The following MGAT4C variants were observed in gnomAD, a reference collection of about 807,000 sequenced individuals.
MGAT4C encodes the protein MGAT4 family member C.
MGAT4C carries 19 observed loss-of-function variants against 40.1 expected under a neutral mutation model. The observed-to-expected ratio is 0.47, with a 90% confidence interval of 0.33 to 0.70. The LOEUF is 0.70. MGAT4C is among the 30% of genes least tolerant of loss of function. MGAT4C has a pLI of 0.02. For synonymous variants in MGAT4C, 181 were observed against 187.1 expected (o/e 0.97, Z 0.27); for missense variants, 491 against 563.2 (o/e 0.87, Z 1.30).
At chr12:86,705,506 CAGGTA>C (rs540934326) in intron 2 of MGAT4C, among the ~76,000 whole-genome samples, 60 of 150,548 alleles carry the variant, frequency 4.0e-4, no homozygotes, top group Non-Finnish European at 7.5e-4. Context: ...GGATGGATCC[CAGGTA>C]AAGAAAAAAA....
chr12:86,552,444 T>A (rs979055528), intron 2 of MGAT4C, among the ~76,000 whole-genome samples: 4 of 152,078 alleles, frequency 2.6e-5, no homozygotes, highest in Non-Finnish European at 1.5e-5. Flanking sequence ...AAAAATAAGT[T>A]CTAGTGTTCT....
At chr12:86,148,646 G>C (rs1883867205) in intron 1 of MGAT4C, among the ~76,000 whole-genome samples, 2 of 152,170 alleles carry the variant, frequency 1.3e-5, no homozygotes, top group African/African-American at 4.8e-5. Flanking sequence ...AATTAGAGCA[G>C]TATAGGCAAT....
chr12:86,137,042 G>T (rs535666135), intron 1 of MGAT4C, among the ~76,000 whole-genome samples: 136 of 152,122 alleles, frequency 8.9e-4, no homozygotes, highest in Non-Finnish European at 1.6e-3. Flanking sequence ...AATCCTATCT[G>T]GTGTCCTGAG....
intron 1 of MGAT4C, among the ~76,000 whole-genome samples, chr12:86,738,238 C>T (rs1338159807): frequency 1.3e-5 from 2 of 151,424 alleles, no homozygotes; most frequent in African/African-American, 4.8e-5. Flanking sequence ...GGATTCTCTT[C>T]TCACACATAT....
At chr12:86,821,986 AATG>A (rs35040767) in intron 1 of MGAT4C, among the ~76,000 whole-genome samples, 15,873 of 150,986 alleles carry the variant, frequency 0.11, 1,122 homozygotes, top group Non-Finnish European at 0.15. Flanking sequence ...TATTAAAAAT[AATG>A]ATAACTGAAA....
chr12:86,587,437 C>G (rs986922468), intron 2 of MGAT4C, among the ~76,000 whole-genome samples: 7 of 151,478 alleles, frequency 4.6e-5, no homozygotes, highest in Non-Finnish European at 1.0e-4. Context: ...GCAATGCGGA[C>G]TGTTTGGTTC....
At chr12:86,523,173 T>C (rs1334386112) in intron 2 of MGAT4C, among the ~76,000 whole-genome samples, 1 of 152,054 alleles carries the variant, frequency 6.6e-6, no homozygotes, top group African/African-American at 2.4e-5. Context: ...TTGTGTTGTG[T>C]GTGATGTTAG....
intron 1 of MGAT4C, among the ~76,000 whole-genome samples, chr12:86,077,428 AT>A (rs1869956970): frequency 6.6e-6 from 1 of 152,230 alleles, no homozygotes; most frequent in Admixed American, 6.5e-5. Context: ...AAGAAAGGAA[AT>A]AAAACGAATA....
At chr12:86,699,754 G>A (rs11104038) in intron 2 of MGAT4C, among the ~76,000 whole-genome samples, 5,843 of 152,090 alleles carry the variant, frequency 0.038, 150 homozygotes, top group Non-Finnish European at 0.048. Context: ...AGAAAAAAAT[G>A]TCATTAAGGA....
intron 1 of MGAT4C, among the ~76,000 whole-genome samples, chr12:86,117,015 T>C (rs1878540084): frequency 6.6e-6 from 1 of 152,092 alleles, no homozygotes; most frequent in South Asian, 2.1e-4. Flanking sequence ...AAATTATTTA[T>C]TGAGGGTTCT....
chr12:86,107,947 G>T (rs1303246813), intron 1 of MGAT4C, among the ~76,000 whole-genome samples: 2 of 152,010 alleles, frequency 1.3e-5, no homozygotes, highest in Non-Finnish European at 2.9e-5. Context: ...ATTTATTATA[G>T]GGCAAACCAA....
chr12:86,224,138 C>T (rs1322481922), intron 1 of MGAT4C, among the ~76,000 whole-genome samples: 1 of 152,184 alleles, frequency 6.6e-6, no homozygotes, highest in Admixed American at 6.5e-5. Flanking sequence ...CTCATCCCAC[C>T]TCTGCCACCA....
chr12:86,138,477 C>CCATATATATATATTTCCATATATATAT (rs1882302920), intron 1 of MGAT4C, among the ~76,000 whole-genome samples: 8 of 125,054 alleles, frequency 6.4e-5, no homozygotes, highest in Non-Finnish European at 1.1e-4. Flanking sequence ...CCATATATAT[C>CCATATATATATATTTCCATATATATAT]CATATATATA....
intron 4 of MGAT4C, among the ~76,000 whole-genome samples, chr12:86,278,430 C>T (rs1198370594): frequency 3.9e-5 from 6 of 152,010 alleles, no homozygotes; most frequent in African/African-American, 7.2e-5. Flanking sequence ...CCACCCACCT[C>T]GGCCTCCCAA....
chr12:86,321,171 C>T (rs1017594897), intron 4 of MGAT4C, among the ~76,000 whole-genome samples: 10 of 152,066 alleles, frequency 6.6e-5, no homozygotes, highest in African/African-American at 2.2e-4. Context: ...TATTACCCAA[C>T]ATTCTCTAAA....
chr12:86,245,114 T>TA (rs930175540), intron 1 of MGAT4C, among the ~76,000 whole-genome samples: 9 of 151,718 alleles, frequency 5.9e-5, no homozygotes, highest in East Asian at 1.9e-4. Context: ...CACTCTAAAC[T>TA]AAAAAAAATA....
chr12:86,569,216 CAAAAG>C (rs888792145), intron 2 of MGAT4C, among the ~76,000 whole-genome samples: 1 of 151,804 alleles, frequency 6.6e-6, no homozygotes, highest in African/African-American at 2.4e-5. Context: ...CTTTGCACAG[CAAAAG>C]AAAACATTAA....
intron 2 of MGAT4C, among the ~76,000 whole-genome samples, chr12:86,691,241 A>G (rs1017118914): frequency 1.3e-5 from 2 of 152,232 alleles, no homozygotes; most frequent in Non-Finnish European, 2.9e-5. Flanking sequence ...TTTAAAGCAT[A>G]GTGGAGCCAG....
chr12:86,782,429 C>G (rs537929379), intron 1 of MGAT4C, among the ~76,000 whole-genome samples: 2 of 152,110 alleles, frequency 1.3e-5, no homozygotes, highest in South Asian at 2.1e-4. Flanking sequence ...GATCCTCCCG[C>G]CTCGGCCTCC....
Sources: gnomAD v4.1 joint callset for allele counts (sites outside exome capture counted in the v4.1 genomes callset) on GRCh38, gnomAD v4.1.1 for gene constraint, MANE v1.5 for transcripts, NCBI Gene and HGNC (gene_info 2026-07-23, HGNC 2026-07-21) for gene names.